SNTG2: variants seen among roughly 807,000 people sequenced by gnomAD.
SNTG2 encodes the protein syntrophin gamma 2.
Under a neutral mutation model 70.9 loss-of-function variants are expected in SNTG2, and 74 were observed. The observed-to-expected ratio is 1.04, with a 90% CI of 0.86 to 1.27. The LOEUF is 1.27. Among genes scored for constraint, SNTG2 ranks in the 50% most tolerant of loss-of-function variants. The pLI is 0.00. For synonymous variants in SNTG2, 278 were observed against 273.8 expected (o/e 1.02, Z -0.15); for missense variants, 717 against 690.7 (o/e 1.04, Z -0.43).
In SNTG2 at chr2:1,261,922, G is replaced by A. The variant is rs763669577; in HGVS notation, c.1077+2481G>A. Among the ~76,000 whole-genome samples the A allele has an allele frequency of 3.9e-5, 6 of 152,108 alleles. No homozygotes were observed. In the South Asian group the frequency reaches 6.2e-4, roughly 16 times the overall value. ...GGCTGCAAAGCTCATCCCGAATCCC[G>A]CTCTATTCCACGTGCTAGAAGCAGT... On this transcript the variant is annotated intron_variant, in intron 13 of 16. Transcript: ENST00000308624.
chr2:1,249,915 A>G (rs1387022654), intron 12 of SNTG2, among the ~76,000 whole-genome samples: 1 of 152,046 alleles, frequency 6.6e-6, no homozygotes, highest in Non-Finnish European at 1.5e-5. Flanking sequence ...TTTGCAAGGG[A>G]CAGAGAATCA....
At chr2:1,363,096 T>C (rs1661287186) in intron 16 of SNTG2, among the ~76,000 whole-genome samples, 1 of 150,848 alleles carries the variant, frequency 6.6e-6, no homozygotes, top group Non-Finnish European at 1.5e-5. Flanking sequence ...GGCGCTGAGA[T>C]GGAATGACTC....
intron 4 of SNTG2, among the ~76,000 whole-genome samples, chr2:1,132,394 G>A (rs930939911): frequency 1.8e-4 from 27 of 152,128 alleles, no homozygotes; most frequent in African/African-American, 6.3e-4. Flanking sequence ...CAGACGCCTG[G>A]AATTGAGTTT....
chr2:1,191,867 TTATA>T (rs1308516912), intron 8 of SNTG2, among the ~76,000 whole-genome samples: 3 of 151,262 alleles, frequency 2.0e-5, no homozygotes, highest in Non-Finnish European at 4.4e-5. Context: ...CTTTATAACT[TTATA>T]TATTATATAT....
At chr2:1,193,086 G>T (rs557744758) in intron 8 of SNTG2, among the ~76,000 whole-genome samples, 78 of 152,350 alleles carry the variant, frequency 5.1e-4, no homozygotes, top group South Asian at 2.3e-3. Context: ...CAGAGAGGCA[G>T]GGCAGGGGCT....
At chr2:1,284,221 G>T (rs1679677230) in intron 14 of SNTG2, among the ~76,000 whole-genome samples, 1 of 152,166 alleles carries the variant, frequency 6.6e-6, no homozygotes, top group African/African-American at 2.4e-5. Context: ...TTCATTTCAG[G>T]GCTAATCTAA....
rs1659932494 is a variant in SNTG2 at position 950,943 on chromosome 2, TC to T, written c.-52del. On this transcript the variant is annotated 5_prime_UTR_variant, in exon 1 of 17. Transcript: ENST00000308624. The stretch of plus-strand genomic sequence containing the variant: ...GGGGCCCTGGGAGGCTCGGACGGGG[TC>T]CTGGCGTTGAGCTCGGCCGGCCCGG... The T allele has an allele frequency of 2.1e-6, 2 of 960,822 alleles. No individual in the cohort carries two copies. The highest frequency in any genetic ancestry group is 2.7e-6 in the Non-Finnish European group (2 of 749,576). 59.5% of individuals were successfully genotyped at this position (960,822 alleles called of 1,614,324 possible). A position where few individuals can be genotyped will look rare whatever the true frequency, so the allele number is the denominator to read the frequency against.
chr2:1,355,332 G>C (rs367857400), intron 16 of SNTG2, among the ~76,000 whole-genome samples: 1 of 152,132 alleles, frequency 6.6e-6, no homozygotes, highest in South Asian at 2.1e-4. Flanking sequence ...AACTGCACCC[G>C]TGGAACGGCA....
At chr2:1,361,507 T>A (rs895632106) in intron 16 of SNTG2, among the ~76,000 whole-genome samples, 1 of 152,220 alleles carries the variant, frequency 6.6e-6, no homozygotes, top group African/African-American at 2.4e-5. Context: ...AAACAAAGAG[T>A]GTTTAAAAAA....
chr2:1,280,973 T>C (rs1679485448), intron 14 of SNTG2, among the ~76,000 whole-genome samples: 1 of 152,230 alleles, frequency 6.6e-6, no homozygotes, highest in African/African-American at 2.4e-5. Context: ...TTCAGGCTCA[T>C]GGGAAAGGCC....
chr2:1,187,282 C>T (rs1202211301), intron 8 of SNTG2, among the ~76,000 whole-genome samples: 1 of 152,118 alleles, frequency 6.6e-6, no homozygotes, highest in Non-Finnish European at 1.5e-5. Context: ...AAACATGATT[C>T]TAGATTTTTC....
intron 12 of SNTG2, among the ~76,000 whole-genome samples, chr2:1,249,425 C>T (rs1238838571): frequency 6.6e-6 from 1 of 151,902 alleles, no homozygotes; most frequent in African/African-American, 2.4e-5. Context: ...TATTTAAAAT[C>T]CTCTCTTAAT....
intron 4 of SNTG2, among the ~76,000 whole-genome samples, chr2:1,114,841 A>C (rs919834476): frequency 1.4e-5 from 2 of 143,696 alleles, no homozygotes; most frequent in Non-Finnish European, 3.0e-5. Context: ...TGTACTAAGT[A>C]AGGTTTAACC....
At chr2:1,319,304 G>T (rs1327063739) in intron 16 of SNTG2, among the ~76,000 whole-genome samples, 7 of 152,222 alleles carry the variant, frequency 4.6e-5, no homozygotes, top group African/African-American at 1.7e-4. Flanking sequence ...CACAGGGATG[G>T]ATACCAGATT....
intron 16 of SNTG2, among the ~76,000 whole-genome samples, chr2:1,363,213 C>T (rs1282384355): frequency 6.7e-6 from 1 of 149,360 alleles, no homozygotes; most frequent in East Asian, 2.0e-4. Flanking sequence ...ACAAGCTGCA[C>T]AAAGACCACT....
At chr2:1,189,225 T>G (rs901478960) in intron 8 of SNTG2, among the ~76,000 whole-genome samples, 4 of 152,140 alleles carry the variant, frequency 2.6e-5, no homozygotes, top group Non-Finnish European at 5.9e-5. Flanking sequence ...TTGTAAGACC[T>G]TTATAAAAAT....
chr2:1,041,233 G>T (rs1661418494), intron 1 of SNTG2, among the ~76,000 whole-genome samples: 1 of 152,166 alleles, frequency 6.6e-6, no homozygotes, highest in Non-Finnish European at 1.5e-5. Context: ...ACCATAGTTG[G>T]ATTTGTCAGC....
At chr2:1,205,000 C>G (rs28562260) in intron 8 of SNTG2, among the ~76,000 whole-genome samples, 49,592 of 151,916 alleles carry the variant, frequency 0.33, 8,632 homozygotes, top group East Asian at 0.66. Flanking sequence ...GCAGTATGAT[C>G]TTAACTTTTA....
chr2:1,113,188 CT>C (rs1666635235), intron 4 of SNTG2, among the ~76,000 whole-genome samples: 1 of 149,614 alleles, frequency 6.7e-6, no homozygotes, highest in Non-Finnish European at 1.5e-5. Flanking sequence ...CCTTACAGTC[CT>C]TTGAGAAGGA....
Sources: gnomAD v4.1 joint callset for allele counts (sites outside exome capture counted in the v4.1 genomes callset) on GRCh38, gnomAD v4.1.1 for gene constraint, MANE v1.5 for transcripts, NCBI Gene and HGNC (gene_info 2026-07-23, HGNC 2026-07-21) for gene names.